The following DMXL2 variants were observed in gnomAD, a reference collection of about 807,000 sequenced individuals.
DMXL2 encodes Dmx like 2, also known as dmX-like protein 2.
Under a neutral mutation model 331.1 loss-of-function variants are expected in DMXL2, and 103 were observed. That is an observed-to-expected ratio of 0.31 (90% confidence interval 0.27 to 0.37). DMXL2 has a LOEUF of 0.37. Among genes scored for constraint, DMXL2 ranks in the 10% least tolerant of loss-of-function variants. DMXL2 has a pLI of 1.00. For synonymous variants in DMXL2, 1,281 were observed against 1,252.1 expected (o/e 1.02, Z -0.49); for missense variants, 3,171 against 3,642.9 (o/e 0.87, Z 3.33).
chr15:51,591,763 T>A (rs2141244825), intron 1 of DMXL2, among the ~76,000 whole-genome samples: 1 of 152,194 alleles, frequency 6.6e-6, no homozygotes, highest in Admixed American at 6.5e-5. Context: ...TTCACCAATA[T>A]CCGCTGTTCT....
chr15:51,466,018 C>G (rs2040535029), intron 30 of DMXL2, among the ~76,000 whole-genome samples, 166 bp downstream of exon 30: 1 of 152,092 alleles, frequency 6.6e-6, no homozygotes, highest in Non-Finnish European at 1.5e-5. Context: ...GTGGAGAAAA[C>G]ACTATGTAGA....
At chr15:51,518,700 C>A (rs1391108714) in intron 13 of DMXL2, among the ~76,000 whole-genome samples, 1 of 152,114 alleles carries the variant, frequency 6.6e-6, no homozygotes, top group African/African-American at 2.4e-5. Flanking sequence ...TGAGGTGCTT[C>A]CAATGTGCAG....
intron 6 of DMXL2, among the ~76,000 whole-genome samples, chr15:51,561,495 G>GC (rs1169676321): frequency 6.6e-6 from 1 of 150,802 alleles, no homozygotes; most frequent in African/African-American, 2.4e-5. Context: ...GCAGAGGCAG[G>GC]CCAGGCATGC....
chr15:51,557,639 A>G (rs1331269347), intron 6 of DMXL2, among the ~76,000 whole-genome samples: 1 of 152,224 alleles, frequency 6.6e-6, no homozygotes, highest in African/African-American at 2.4e-5. Flanking sequence ...CTTAATTTAA[A>G]GCTATAGCAA....
At chr15:51,552,037 G>A (rs910407464) in intron 6 of DMXL2, among the ~76,000 whole-genome samples, 2 of 152,160 alleles carry the variant, frequency 1.3e-5, no homozygotes, top group African/African-American at 4.8e-5. Context: ...TCTGGGTATT[G>A]TAGGTATTCC....
At chr15:51,557,092 G>T (rs1198444829) in intron 6 of DMXL2, among the ~76,000 whole-genome samples, 1 of 151,766 alleles carries the variant, frequency 6.6e-6, no homozygotes, top group Admixed American at 6.6e-5. Flanking sequence ...AGTTACAAAA[G>T]ATGAACTACA....
At chr15:51,451,321 T>C (rs1461259865) in intron 42 of DMXL2, among the ~76,000 whole-genome samples, 1 of 152,220 alleles carries the variant, frequency 6.6e-6, no homozygotes, top group East Asian at 1.9e-4. Flanking sequence ...CTTTAAAATA[T>C]GTTATTTTCT....
intron 6 of DMXL2, among the ~76,000 whole-genome samples, chr15:51,560,072 G>A (rs148579553): frequency 0.017 from 2,512 of 152,232 alleles, 24 homozygotes; most frequent in Middle Eastern, 0.041. Context: ...TTCAGTAAAT[G>A]TTATTGAGAC....
intron 33 of DMXL2, 185 bp downstream of exon 33, chr15:51,463,194 T>C (rs1247738120): frequency 2.2e-6 from 1 of 451,078 alleles, no homozygotes; most frequent in Non-Finnish European, 4.0e-6. Flanking sequence ...GTACCTATGT[T>C]GTTTCATTGC....
At chr15:51,607,185 G>A (rs999433077) in intron 1 of DMXL2, among the ~76,000 whole-genome samples, 9 of 151,702 alleles carry the variant, frequency 5.9e-5, no homozygotes, top group South Asian at 2.1e-4. Flanking sequence ...GGCCGGGCGC[G>A]GTGGCTCACG....
chr15:51,479,806 TTG>T, intron 25 of DMXL2, 140 bp downstream of exon 25: 1 of 497,976 alleles, frequency 2.0e-6, no homozygotes, highest in Middle Eastern at 5.7e-4. Flanking sequence ...ATTACATTCA[TTG>T]GACTAATAGT....
At chr15:51,596,479 T>C (rs963965695) in intron 1 of DMXL2, among the ~76,000 whole-genome samples, 3 of 152,200 alleles carry the variant, frequency 2.0e-5, no homozygotes, top group Non-Finnish European at 4.4e-5. Context: ...GGTGGGACTG[T>C]AAACTAGTTC....
chr15:51,587,011 A>C (rs1483130730), intron 1 of DMXL2, among the ~76,000 whole-genome samples: 4 of 151,182 alleles, frequency 2.6e-5, no homozygotes, highest in Admixed American at 6.6e-5. Context: ...ATACTGTAAA[A>C]ATCAGTCCCA....
intron 13 of DMXL2, among the ~76,000 whole-genome samples, chr15:51,524,593 C>G (rs2140767928): frequency 6.6e-6 from 1 of 152,266 alleles, no homozygotes; most frequent in South Asian, 2.1e-4. Context: ...TTTCTGTGCA[C>G]TGGGGAAAGG....
At chr15:51,608,479 A>G (rs1031435333) in intron 1 of DMXL2, among the ~76,000 whole-genome samples, 4 of 152,250 alleles carry the variant, frequency 2.6e-5, no homozygotes, top group African/African-American at 9.6e-5. Flanking sequence ...CATTATCCTA[A>G]GTAAACTAAG....
intron 23 of DMXL2, among the ~76,000 whole-genome samples, chr15:51,482,274 G>T (rs897121615): frequency 2.0e-5 from 3 of 151,910 alleles, no homozygotes; most frequent in Non-Finnish European, 4.4e-5. Context: ...AAAAAATTCT[G>T]CAAAAAAGCT....
At position 51,542,201 on chromosome 15, in the gene DMXL2, A is replaced by G. The variant is rs2048635359; in HGVS notation, c.1105+132T>C. On this transcript the variant is annotated intron_variant, in intron 9 of 43. Coordinates refer to ENST00000560891, the MANE Select transcript of DMXL2 (RefSeq NM_001378457.1). ...AATTCAAAAAATGGTACTTTATATT[A>G]TATCTCTACTCCAATTAAGTATTTT... The G allele has an allele frequency of 3.5e-6, 3 of 845,836 alleles. No individual in the cohort carries two copies. In the South Asian group the frequency reaches 5.8e-5, roughly 16 times the overall value. 52.4% of individuals were successfully genotyped at this position (845,836 alleles called of 1,614,324 possible). A position where few individuals can be genotyped will look rare whatever the true frequency, so the allele number is the denominator to read the frequency against.
In DMXL2 at chr15:51,544,233, C is replaced by T. The variant is rs150493353; in HGVS notation, c.930+1350G>A. 1.9e-3 allele frequency among the ~76,000 whole-genome samples: 292 copies of T among 152,228 alleles called. 5 individuals are homozygous for T. In the South Asian group the frequency reaches 0.041, roughly 22 times the overall value. Reference sequence around the variant, plus strand: ...GGTGGGAGCTGTTTGGGTCATGAGGCGGATCCCGCATGGCTTGGTGTTGGT... The same window carrying T: ...GGTGGGAGCTGTTTGGGTCATGAGGTGGATCCCGCATGGCTTGGTGTTGGT... On this transcript the variant is annotated intron_variant, in intron 8 of 43. Coordinates refer to ENST00000560891, the MANE Select transcript of DMXL2 (RefSeq NM_001378457.1).
At chr15:51,456,391 A>T in intron 37 of DMXL2, 22 bp from the exon 38 acceptor site, 1 of 1,473,882 alleles carries the variant, frequency 6.8e-7, no homozygotes, top group African/African-American at 1.4e-5. Context: ...AATTTTAAAA[A>T]TTTTATTTTG....
Sources: gnomAD v4.1 joint callset for allele counts (sites outside exome capture counted in the v4.1 genomes callset) on GRCh38, gnomAD v4.1.1 for gene constraint, MANE v1.5 for transcripts, NCBI Gene and HGNC (gene_info 2026-07-23, HGNC 2026-07-21) for gene names.